Variants in ADGRB1 observed in about 807,000 individuals in gnomAD.
ADGRB1 encodes adhesion G protein-coupled receptor B1.
Under a neutral mutation model 175.7 loss-of-function variants are expected in ADGRB1, and 36 were observed. The ratio of observed to expected loss-of-function variants is 0.20; its 90% CI spans 0.16 to 0.27. The LOEUF (loss-of-function observed/expected upper bound fraction) is 0.27. Ranked by LOEUF, ADGRB1 falls within the 10% of genes least tolerant of loss-of-function variation. ADGRB1 has a pLI of 1.00. For synonymous variants in ADGRB1, 1,054 were observed against 979.4 expected (o/e 1.08, Z -1.42); for missense variants, 1,731 against 2,255.3 (o/e 0.77, Z 4.71).
intron 2 of ADGRB1, among the ~76,000 whole-genome samples, chr8:142,473,560 G>A (rs1466667974): frequency 6.6e-6 from 1 of 152,230 alleles, no homozygotes; most frequent in Non-Finnish European, 1.5e-5. Flanking sequence ...GTGCCACCCT[G>A]TCCCGCCCTT....
chr8:142,471,866 G>A (rs1432146833), intron 2 of ADGRB1, among the ~76,000 whole-genome samples: 1 of 152,238 alleles, frequency 6.6e-6, no homozygotes, highest in African/African-American at 2.4e-5. Context: ...ACCCTCCGGG[G>A]CCCTCCCTTC....
At position 142,455,311 on chromosome 8, in the gene ADGRB1, C is replaced by T. The variant is rs1839606274; in HGVS notation, c.-220+5207C>T. The stretch of plus-strand genomic sequence containing the variant: ...ACCTCCCTCAGCATGATCGCTGTCA[C>T]CTTGGCCCCCACCTTAGGCTCCTGT... On this transcript the variant is annotated intron_variant, in intron 1 of 30. Transcript: ENST00000517894. This position sits in a 1 kb window ranked among gnomAD's most constrained non-coding sequence, Gnocchi z 4.9. Among the ~76,000 whole-genome samples the T allele has an allele frequency of 6.6e-6, 1 of 152,088 alleles. No individual in the cohort carries two copies. Among genetic ancestry groups the T allele is most frequent in the Non-Finnish European group, 1.5e-5 (1 of 68,028 alleles).
chr8:142,537,172 C>T lies in ADGRB1; in HGVS notation c.3666+90C>T. ...AGGCCCTCACCGTGCCCCAAGCTCC[C>T]CTAGGCCCCAGCAACCCTGCTGAGA... is the stretch of plus-strand genomic sequence containing the variant. On this transcript the variant is annotated intron_variant, in intron 26 of 30. Coordinates refer to ENST00000517894, the MANE Select transcript of ADGRB1 (RefSeq NM_001702.3). The surrounding 1 kb of genome is among the most constrained non-coding windows in gnomAD (Gnocchi z 4.6). 1 of 1,066,508 alleles carries T rather than the reference C, an allele frequency of 9.4e-7. No individual in the cohort carries two copies. The highest frequency in any genetic ancestry group is 1.3e-6 in the Non-Finnish European group (1 of 787,324). 66.1% of individuals were successfully genotyped at this position (1,066,508 alleles called of 1,614,324 possible).
At chr8:142,463,394 C>G (rs577156379) in intron 1 of ADGRB1, among the ~76,000 whole-genome samples, 2 of 152,372 alleles carry the variant, frequency 1.3e-5, no homozygotes, top group South Asian at 2.1e-4. Context: ...CCTTCCTGCT[C>G]TCCAAGCCTT....
chr8:142,520,476 GTTGTGTGATAATGGTGATGGTGATGA>G (rs1224259309), intron 19 of ADGRB1, among the ~76,000 whole-genome samples: 1 of 2,148 alleles, frequency 4.7e-4, no homozygotes, highest in African/African-American at 1.1e-3. Flanking sequence ...GGTGGTGATG[GTTGTGTGATAATGGTGATGGTGATGA>G]TGGTGATGTA....
intron 18 of ADGRB1, among the ~76,000 whole-genome samples, chr8:142,516,426 C>CGT (rs1336213709): frequency 9.4e-6 from 1 of 106,638 alleles, no homozygotes; most frequent in Non-Finnish European, 1.8e-5. Flanking sequence ...CCCAGGTGTG[C>CGT]GTGTGTGCGG....
intron 2 of ADGRB1, among the ~76,000 whole-genome samples, chr8:142,465,278 G>A (rs991745650): frequency 4.6e-5 from 7 of 152,348 alleles, no homozygotes; most frequent in African/African-American, 9.6e-5. Context: ...GGCACACGGC[G>A]GGTGCTGGTT....
intron 2 of ADGRB1, among the ~76,000 whole-genome samples, chr8:142,469,487 A>G (rs538976167): frequency 3.0e-4 from 35 of 115,290 alleles, no homozygotes; most frequent in African/African-American, 8.2e-4. Flanking sequence ...GTGAGTGTGT[A>G]TGCACGTGCA....
chr8:142,516,642 G>GGTGTGTGT (rs10638916), intron 18 of ADGRB1, among the ~76,000 whole-genome samples: 24 of 130,356 alleles, frequency 1.8e-4, no homozygotes, highest in African/African-American at 6.7e-4. Flanking sequence ...GCGGGTCCCA[G>GGTGTGTGT]GTGTGTGTGT....
chr8:142,522,526 T>C (rs1211401587), intron 21 of ADGRB1, 115 bp from the exon 22 acceptor site: 2 of 1,034,132 alleles, frequency 1.9e-6, no homozygotes, highest in Non-Finnish European at 2.8e-6. Context: ...CATCCTCTGT[T>C]GGGGGCTTCA....
intron 1 of ADGRB1, among the ~76,000 whole-genome samples, chr8:142,456,099 T>A (rs1839660421): frequency 6.6e-6 from 1 of 152,000 alleles, no homozygotes; most frequent in Non-Finnish European, 1.5e-5. Context: ...GGAATGCGAT[T>A]CAGGGAGGAG....
intron 6 of ADGRB1, 151 bp from the exon 7 acceptor site, chr8:142,478,036 C>A (rs1285189202): frequency 2.0e-6 from 2 of 1,010,756 alleles, no homozygotes; most frequent in African/African-American, 1.6e-5. Flanking sequence ...ATGTCACAGG[C>A]TGGCCGTGGG....
chr8:142,511,085 G>A lies in ADGRB1; in HGVS notation c.2817+12G>A. ...TCAGCGCCGACGCGGTGAGACCCCG[G>A]CCGGGCCGGCGGGAGGGGCGCCGGG... On this transcript the variant is annotated intron_variant, in intron 18 of 30. Transcript: ENST00000517894. This position sits in a 1 kb window ranked among gnomAD's most constrained non-coding sequence, Gnocchi z 4.5. 9.0e-7 allele frequency: 1 copy of A among 1,112,200 alleles called. No individual in the cohort carries two copies. The highest frequency in any genetic ancestry group is 1.7e-5 in the African/African-American group (1 of 59,672). 68.9% of individuals were successfully genotyped at this position (1,112,200 alleles called of 1,614,324 possible).
chr8:142,457,930 C>T (rs1465675405), intron 1 of ADGRB1, among the ~76,000 whole-genome samples: 1 of 152,186 alleles, frequency 6.6e-6, no homozygotes, highest in South Asian at 2.1e-4. Context: ...GCCGTGGGCA[C>T]CCTGAGCGGG....
In ADGRB1 at chr8:142,510,299, C is replaced by T. The variant is rs115621446; in HGVS notation, c.2676-633C>T. On this transcript the variant is annotated intron_variant, in intron 17 of 30. Transcript: ENST00000517894. The surrounding 1 kb of genome is among the most constrained non-coding windows in gnomAD (Gnocchi z 6.3). ...GGAAGTTTCCAGCGGCAAGCCTCCC[C>T]GCGGGGAAGGCTGTGTCTGTCCCAG... Among the ~76,000 whole-genome samples, 857 of 151,824 alleles carry T rather than the reference C, an allele frequency of 5.6e-3. 7 individuals carry two copies. The highest frequency in any genetic ancestry group is 0.02 in the African/African-American group (825 of 41,394).
intron 1 of ADGRB1, among the ~76,000 whole-genome samples, chr8:142,456,356 C>T (rs1277260674): frequency 1.3e-5 from 2 of 152,118 alleles, no homozygotes; most frequent in Non-Finnish European, 2.9e-5. Context: ...CGCATGTGCA[C>T]ACAGCCCTTG....
rs1325277596 is a variant in ADGRB1 at position 142,493,588 on chromosome 8, T to G, written c.2675+2773T>G. Among the ~76,000 whole-genome samples the G allele has an allele frequency of 6.6e-6, 1 of 152,224 alleles. No homozygotes were observed. Among genetic ancestry groups the G allele is most frequent in the Non-Finnish European group, 1.5e-5 (1 of 68,030 alleles). On this transcript the variant is annotated intron_variant, in intron 17 of 30. Transcript: ENST00000517894. This position sits in a 1 kb window ranked among gnomAD's most constrained non-coding sequence, Gnocchi z 5.0. ...GTGCCGGTGTGGCCCACGCAGTGCCTGGCAGCATTGTGCCCAAGTTGCCTC... is the reference window on the plus strand; with the variant it reads ...GTGCCGGTGTGGCCCACGCAGTGCCGGGCAGCATTGTGCCCAAGTTGCCTC...
chr8:142,524,802 G>A (rs1328098303), intron 23 of ADGRB1, among the ~76,000 whole-genome samples: 8 of 152,084 alleles, frequency 5.3e-5, no homozygotes, highest in African/African-American at 1.9e-4. Context: ...TCCCACCTTA[G>A]TGTGGAGGAA....
Position 142,510,060 on chromosome 8 carries a change from AGGAGGAGGAAGAGGAGGC to A in ADGRB1, c.2676-854_2676-837del, listed in dbSNP as rs1007844268. 2.6e-5 allele frequency among the ~76,000 whole-genome samples: 4 copies of A among 151,896 alleles called. No homozygotes were observed. The highest frequency in any genetic ancestry group is 4.2e-4 in the South Asian group (2 of 4,780). On this transcript the variant is annotated intron_variant, in intron 17 of 30. Transcript: ENST00000517894. The surrounding 1 kb of genome is among the most constrained non-coding windows in gnomAD (Gnocchi z 6.3). The stretch of plus-strand genomic sequence containing the variant: ...TGGGGGAATTCGGCTCCAAAGCAGG[AGGAGGAGGAAGAGGAGGC>A]GGAGGAGGAAGAGGAGGAGGTGGAG...
Sources: gnomAD v4.1 joint callset for allele counts (sites outside exome capture counted in the v4.1 genomes callset) on GRCh38, gnomAD v4.1.1 for gene constraint, Gnocchi (gnomAD v3.1) non-coding constraint, MANE v1.5 for transcripts, NCBI Gene and HGNC (gene_info 2026-07-23, HGNC 2026-07-21) for gene names.